The following MRPS10 variants were observed in gnomAD, a reference collection of about 807,000 sequenced individuals.
The protein encoded by MRPS10 is mitochondrial ribosomal protein S10.
MRPS10 carries 23 observed loss-of-function variants against 27.5 expected under a neutral mutation model. The observed-to-expected ratio is 0.84, with a 90% CI of 0.60 to 1.18. The LOEUF (loss-of-function observed/expected upper bound fraction) is 1.18. Among genes scored for constraint, MRPS10 ranks in the 50% most tolerant of loss-of-function variants. MRPS10 has a pLI of 0.00. For missense variants in MRPS10, 237 were observed against 240.1 expected (o/e 0.99, Z 0.09); for synonymous variants, 88 against 84.2 (o/e 1.04, Z -0.25).
intron 1 of MRPS10, 113 bp from the exon 2 acceptor site, chr6:42,214,457 G>T: frequency 1.4e-6 from 1 of 705,588 alleles, no homozygotes; most frequent in Non-Finnish European, 2.2e-6. Flanking sequence ...AAGATACTGG[G>T]GTAACTAAAA....
intron 2 of MRPS10, 37 bp from the exon 3 acceptor site, chr6:42,214,229 T>C: frequency 6.2e-7 from 1 of 1,606,908 alleles, no homozygotes; most frequent in African/African-American, 1.3e-5. Flanking sequence ...CTAAGTAAAA[T>C]AGCACAAGAA....
chr6:42,215,436 G>GT (rs1190982764), intron 1 of MRPS10, among the ~76,000 whole-genome samples: 19 of 149,036 alleles, frequency 1.3e-4, no homozygotes, highest in Non-Finnish European at 1.8e-4. Context: ...GTTTTTGTTT[G>GT]TTTTTTCAGG....
At chr6:42,211,748 C>T (rs775187143) in intron 4 of MRPS10, 33 bp downstream of exon 4, 17 of 1,590,520 alleles carry the variant, frequency 1.1e-5, no homozygotes, top group African/African-American at 4.1e-5. Flanking sequence ...ATTACAGCAG[C>T]GAACAGGTCG....
Position 42,208,066 on chromosome 6 carries a change from A to G in MRPS10, c.*223T>C, listed in dbSNP as rs547456048. ...TGCTTTCAGTCAAAGTGGTTTGCTCATGTTTGCTGAAATCAGAACTGAAAC... is the reference window on the plus strand; with the variant it reads ...TGCTTTCAGTCAAAGTGGTTTGCTCGTGTTTGCTGAAATCAGAACTGAAAC... On this transcript the variant is annotated 3_prime_UTR_variant, in exon 7 of 7. Coordinates refer to ENST00000053468, the MANE Select transcript of MRPS10 (RefSeq NM_018141.4). 209 of 534,146 alleles carry G rather than the reference A, an allele frequency of 3.9e-4. No individual in the cohort carries two copies. Among genetic ancestry groups the G allele is most frequent in the Non-Finnish European group, 6.3e-4 (192 of 305,970 alleles). 33.1% of individuals were successfully genotyped at this position (534,146 alleles called of 1,614,324 possible). A position where few individuals can be genotyped will look rare whatever the true frequency, so the allele number is the denominator to read the frequency against.
Position 42,211,803 on chromosome 6 carries a change from C to G in MRPS10, c.301G>C (p.Glu101Gln). 6.2e-7 allele frequency: 1 copy of G among 1,613,320 alleles called. No individual in the cohort carries two copies. Among genetic ancestry groups the G allele is most frequent in the Non-Finnish European group, 8.5e-7 (1 of 1,179,656 alleles). ...CACACTTTAATAGAGATACCAAGTT[C>G]TTTAGCAGCAAGCACAGCAAAATAT... ...YEYFAVLAAK[E>Q]LGISIKVHEP... Residue 101 changes from glutamate (E) to glutamine (Q), a missense_variant, in exon 4 of 7, where the codon GAA becomes CAA. Around this residue, in one of 3 missense-constraint regions of MRPS10, gnomAD observed 164 missense variants for 137.8 expected, o/e 1.19. Transcript: ENST00000053468.
intron 5 of MRPS10, 32 bp from the exon 6 acceptor site, chr6:42,208,979 A>C: frequency 7.0e-7 from 1 of 1,438,016 alleles, no homozygotes; most frequent in Non-Finnish European, 9.6e-7. Flanking sequence ...TGTTTCATGT[A>C]AGCTGTTTGT....
At chr6:42,209,290 A>G (rs55734519) in intron 5 of MRPS10, among the ~76,000 whole-genome samples, 82,981 of 151,840 alleles carry the variant, frequency 0.55, 24,532 homozygotes, top group East Asian at 0.83. Context: ...GAGCTACCGC[A>G]CCTGGCCTCC....
At chr6:42,213,822 C>T (rs929361241) in intron 3 of MRPS10, among the ~76,000 whole-genome samples, 2 of 152,164 alleles carry the variant, frequency 1.3e-5, no homozygotes. Flanking sequence ...TAACATAAAT[C>T]AAGTATTCTA....
In MRPS10 at chr6:42,208,221, T is replaced by C. The variant is rs1362982894; in HGVS notation, c.*68A>G. 9.5e-6 allele frequency: 11 copies of C among 1,157,178 alleles called. No homozygotes were observed. The highest frequency in any genetic ancestry group is 1.3e-5 in the Non-Finnish European group (10 of 771,646). The allele number at this position is 1,157,178 out of a possible 1,614,324, so 71.7% of individuals were successfully genotyped here. A position where few individuals can be genotyped will look rare whatever the true frequency, so the allele number is the denominator to read the frequency against. ...CAAATCATCTCAGCTGGAAGCACTC[T>C]CCACTTAAACATACTCATCTGGCCC... On this transcript the variant is annotated 3_prime_UTR_variant, in exon 7 of 7. Transcript: ENST00000053468.
chr6:42,210,911 A>G (rs1768754299), intron 4 of MRPS10, among the ~76,000 whole-genome samples: 1 of 152,258 alleles, frequency 6.6e-6, no homozygotes, highest in Admixed American at 6.5e-5. Context: ...AATTGTGAAG[A>G]GCAGCACCAG....
At position 42,207,025 on chromosome 6, in the gene MRPS10, A is replaced by G. The variant is rs1171464740; in HGVS notation, c.*1264T>C. On this transcript the variant is annotated 3_prime_UTR_variant, in exon 7 of 7. Transcript: ENST00000053468. ...GACCTGCTTCTACTATAAAAAGAAA[A>G]TGAAGCACTTCTCTGGGGTTGCTAT... 1.3e-5 allele frequency: 2 copies of G among 152,210 alleles called. No homozygotes were observed. The highest frequency in any genetic ancestry group is 4.8e-5 in the African/African-American group (2 of 41,452). The allele number at this position is 152,210 out of a possible 1,614,324, so 9.4% of individuals were successfully genotyped here.
rs1259183958 is a variant in MRPS10, at chr6:42,211,770, G to T, written c.323+11C>A. ...CAGCGAACAGGTCGGGTCAGGAAAG[G>T]CCATACTCACACTTTAATAGAGATA... On this transcript the variant is annotated intron_variant, in intron 4 of 6. Transcript: ENST00000053468. 1 of 1,610,940 alleles carries T rather than the reference G, an allele frequency of 6.2e-7. No homozygotes were observed. The highest frequency in any genetic ancestry group is 8.5e-7 in the Non-Finnish European group (1 of 1,178,882).
At chr6:42,210,200 A>G (rs1462994253) in intron 5 of MRPS10, among the ~76,000 whole-genome samples, 4 of 152,262 alleles carry the variant, frequency 2.6e-5, no homozygotes, top group Admixed American at 6.5e-5. Context: ...AGAACTGTGT[A>G]AAAACTTCAC....
At chr6:42,216,991 TGAG>T (rs1768959641) in intron 1 of MRPS10, among the ~76,000 whole-genome samples, 1 of 152,170 alleles carries the variant, frequency 6.6e-6, no homozygotes, top group South Asian at 2.1e-4. Context: ...CGTGACAGCC[TGAG>T]GTGTGATATA....
chr6:42,217,814 C>T lies in MRPS10; in HGVS notation c.36G>A (p.Arg12=), dbSNP rs1768987365. The part of the protein sequence containing the change: ...AARTAFGAVC[R]RLWQGLGNFS... ...GCCAATCCAGTACCTGCCAGAGGCG[C>T]CGGCACACAGCACCGAACGCTGTCC... The change falls in exon 1 of 7, where the codon CGG becomes CGA. Residue 12 remains arginine (R), a synonymous_variant. Coordinates refer to ENST00000053468, the MANE Select transcript of MRPS10 (RefSeq NM_018141.4). 1 of 1,614,152 alleles carries T rather than the reference C, an allele frequency of 6.2e-7. No homozygotes were observed.
intron 1 of MRPS10, among the ~76,000 whole-genome samples, chr6:42,216,383 A>AGTGTGTGTGTGTGTGT (rs763994848): frequency 1.8e-3 from 83 of 46,232 alleles, no homozygotes; most frequent in African/African-American, 2.2e-3. Flanking sequence ...AGAGAGAGAG[A>AGTGTGTGTGTGTGTGT]GAGTGTGTGT....
intron 3 of MRPS10, among the ~76,000 whole-genome samples, chr6:42,213,690 A>G (rs1768844113): frequency 6.6e-6 from 1 of 152,226 alleles, no homozygotes; most frequent in African/African-American, 2.4e-5. Context: ...AGTTCCTTCT[A>G]GATGTTTATT....
chr6:42,207,104 T>A lies in MRPS10; in HGVS notation c.*1185A>T, dbSNP rs1366222210. On this transcript the variant is annotated 3_prime_UTR_variant, in exon 7 of 7. Transcript: ENST00000053468. Reference sequence around the variant, plus strand: ...GCCTCTTTCAGGGCTTTAGCCACTATTTCATTTCATGGAAAAGCAGACATC... The same window carrying A: ...GCCTCTTTCAGGGCTTTAGCCACTAATTCATTTCATGGAAAAGCAGACATC... 1 of 151,868 alleles carries A rather than the reference T, an allele frequency of 6.6e-6. No homozygotes were observed. Among genetic ancestry groups the A allele is most frequent in the African/African-American group, 2.4e-5 (1 of 41,120 alleles). The allele number at this position is 151,868 out of a possible 1,614,324, so 9.4% of individuals were successfully genotyped here.
intron 6 of MRPS10, 30 bp downstream of exon 6, chr6:42,208,828 C>G: frequency 2.1e-6 from 3 of 1,448,908 alleles, no homozygotes; most frequent in Non-Finnish European, 2.9e-6. Flanking sequence ...CCCACCGCCC[C>G]ACCGAAAGAG....
Sources: gnomAD v4.1 joint callset for allele counts (sites outside exome capture counted in the v4.1 genomes callset) on GRCh38, gnomAD v4.1.1 for gene constraint, gnomAD v4.1.1 regional missense constraint, MANE v1.5 for transcripts, NCBI Gene and HGNC (gene_info 2026-07-23, HGNC 2026-07-21) for gene names.